The following OLAH variants were observed in gnomAD, a reference collection of about 807,000 sequenced individuals.
OLAH encodes oleoyl-ACP hydrolase.
A neutral mutation model predicts 27.8 loss-of-function variants in OLAH; 33 were observed. The observed-to-expected ratio is 1.19, with a 90% CI of 0.90 to 1.59. The LOEUF is 1.59. Ranked by LOEUF, OLAH falls within the 40% of genes most tolerant of loss-of-function variation. The pLI is 0.00. For missense variants in OLAH, 359 were observed against 310.8 expected, an observed-to-expected ratio of 1.16 and a Z score of -1.17; for synonymous variants, 120 against 102.9, an observed-to-expected ratio of 1.17 and a Z score of -1.01.
At chr10:15,068,833 G>A (rs1489490536) in intron 6 of OLAH, among the ~76,000 whole-genome samples, 1 of 152,128 alleles carries the variant, frequency 6.6e-6, no homozygotes, top group African/African-American at 2.4e-5. Context: ...GTCTAGACTG[G>A]GCTTGAGCTG....
intron 6 of OLAH, among the ~76,000 whole-genome samples, chr10:15,066,591 C>A (rs1415073650): frequency 6.6e-6 from 1 of 151,058 alleles, no homozygotes; most frequent in Non-Finnish European, 1.5e-5. Flanking sequence ...CCCCAATAAT[C>A]TTTCCTATTT....
chr10:15,046,212 G>C (rs1365611772), intron 1 of OLAH, among the ~76,000 whole-genome samples: 1 of 151,262 alleles, frequency 6.6e-6, no homozygotes, highest in South Asian at 2.1e-4. Flanking sequence ...TGGGCGCAGT[G>C]GTGGGCACCT....
At chr10:15,037,620 C>T (rs149347676) in intron 1 of OLAH, among the ~76,000 whole-genome samples, 2 of 150,878 alleles carry the variant, frequency 1.3e-5, no homozygotes, top group African/African-American at 4.9e-5. Context: ...ACTGTGGAGG[C>T]TGGGCACATC....
intron 3 of OLAH, among the ~76,000 whole-genome samples, chr10:15,051,220 C>T (rs1844135901): frequency 1.3e-5 from 2 of 151,914 alleles, no homozygotes. Context: ...GGATTACAGG[C>T]ACACGCCACC....
chr10:15,034,102 A>AG (rs1491219746), intron 1 of OLAH, among the ~76,000 whole-genome samples: 1,213 of 60,556 alleles, frequency 0.02, 21 homozygotes, highest in Middle Eastern at 0.05. Context: ...AGACTCCACC[A>AG]TTTTTTTTTT....
At chr10:15,037,153 C>T (rs980147700) in intron 1 of OLAH, among the ~76,000 whole-genome samples, 1 of 146,202 alleles carries the variant, frequency 6.8e-6, no homozygotes, top group Non-Finnish European at 1.5e-5. Flanking sequence ...TTGCACATAA[C>T]ATTAAAAAAA....
chr10:15,069,132 T>C (rs968993476), intron 6 of OLAH, among the ~76,000 whole-genome samples: 3 of 152,124 alleles, frequency 2.0e-5, no homozygotes, highest in African/African-American at 7.2e-5. Flanking sequence ...GAAGCATGAA[T>C]TCTAGGTAGC....
At chr10:15,033,672 C>T (rs1289732979) in intron 1 of OLAH, among the ~76,000 whole-genome samples, 1 of 152,094 alleles carries the variant, frequency 6.6e-6, no homozygotes, top group Non-Finnish European at 1.5e-5. Context: ...GCAGTTTGGG[C>T]ATTCTCATTG....
intron 3 of OLAH, among the ~76,000 whole-genome samples, chr10:15,055,499 C>T (rs761694505): frequency 2.0e-5 from 3 of 152,170 alleles, no homozygotes; most frequent in Non-Finnish European, 4.4e-5. Flanking sequence ...TTTCTACATG[C>T]TGGTAGCCAA....
intron 6 of OLAH, among the ~76,000 whole-genome samples, chr10:15,067,206 A>T (rs1053940222): frequency 2.6e-5 from 4 of 152,320 alleles, no homozygotes; most frequent in Admixed American, 2.6e-4. Context: ...ATCACCATGG[A>T]CATTCAATGC....
upstream of OLAH, among the ~76,000 whole-genome samples, chr10:15,041,379 A>G (rs141669277): frequency 4.4e-3 from 675 of 151,720 alleles, 4 homozygotes; most frequent in African/African-American, 0.016. Flanking sequence ...CCCAGGTCCA[A>G]GCGATTCTCC....
chr10:15,056,789 C>T, intron 3 of OLAH: 1 of 1,429,014 alleles, frequency 7.0e-7, no homozygotes, highest in Non-Finnish European at 9.2e-7. Flanking sequence ...CACCACTATG[C>T]TCGGCTAATT....
chr10:15,047,526 C>T (rs1042462591), intron 2 of OLAH: 1 of 562,372 alleles, frequency 1.8e-6, no homozygotes, highest in East Asian at 3.1e-5. Context: ...AAAACCCTGT[C>T]TCTACTAAAA....
chr10:15,058,344 T>C (rs1844287263), intron 3 of OLAH, among the ~76,000 whole-genome samples: 2 of 152,010 alleles, frequency 1.3e-5, no homozygotes, highest in Non-Finnish European at 2.9e-5. Context: ...CCTCCCACCT[T>C]GGCCTCCCAA....
At chr10:15,058,798 T>C (rs1192542023) in intron 3 of OLAH, among the ~76,000 whole-genome samples, 1 of 152,162 alleles carries the variant, frequency 6.6e-6, no homozygotes, top group African/African-American at 2.4e-5. Flanking sequence ...TTTATGTGTC[T>C]AAAAAGTCTT....
At chr10:15,039,659 C>T (rs1251877225), upstream of OLAH, among the ~76,000 whole-genome samples, 1 of 152,124 alleles carries the variant, frequency 6.6e-6, no homozygotes, top group African/African-American at 2.4e-5. Flanking sequence ...TATCTTTACT[C>T]ATTGTAAGCA....
At chr10:15,069,508 T>A (rs941668604) in intron 6 of OLAH, among the ~76,000 whole-genome samples, 2 of 151,956 alleles carry the variant, frequency 1.3e-5, no homozygotes, top group Non-Finnish European at 2.9e-5. Context: ...CCTGTGGAGG[T>A]GTCTCTCTAG....
At chr10:15,061,990 T>C (rs535301318) in intron 4 of OLAH, 128 bp downstream of exon 4, 10 of 819,582 alleles carry the variant, frequency 1.2e-5, no homozygotes, top group African/African-American at 1.2e-4. Context: ...TAGGTAATTA[T>C]GGCCATCACA....
At chr10:15,061,480 GT>G (rs763221508) in intron 3 of OLAH, among the ~76,000 whole-genome samples, 119 of 143,794 alleles carry the variant, frequency 8.3e-4, no homozygotes, top group Non-Finnish European at 1.2e-3. Context: ...CAGTTCCTTT[GT>G]TTTTTTTTTT....
Sources: allele counts gnomAD v4.1 joint callset (sites outside exome capture counted in the v4.1 genomes callset), GRCh38; gene constraint gnomAD v4.1.1; transcripts MANE v1.5; gene names NCBI Gene and HGNC (gene_info 2026-07-23, HGNC 2026-07-21).